The following PEX5L variants were observed in gnomAD, a reference collection of about 807,000 sequenced individuals.
PEX5L encodes the protein PEX5-related protein.
In PEX5L, 30 loss-of-function variants were observed where a neutral mutation model predicts 84.0. That is an observed-to-expected ratio of 0.36 (90% CI 0.27 to 0.48). PEX5L has a LOEUF of 0.48. Ranked by LOEUF, PEX5L falls within the 20% of genes least tolerant of loss-of-function variation. The pLI, the probability that PEX5L is intolerant of heterozygous loss-of-function variation, is 0.99. For synonymous variants in PEX5L, 270 were observed against 283.1 expected (o/e 0.95, Z 0.46); for missense variants, 533 against 754.6 (o/e 0.71, Z 3.44).
intron 1 of PEX5L, among the ~76,000 whole-genome samples, chr3:179,985,870 T>C (rs1326884611): frequency 1.3e-5 from 2 of 152,094 alleles, no homozygotes; most frequent in Non-Finnish European, 2.9e-5. Flanking sequence ...AGTCCACTCT[T>C]GTGGAGGCCG....
chr3:179,972,816 GT>G (rs142647530), intron 1 of PEX5L, among the ~76,000 whole-genome samples: 159 of 147,546 alleles, frequency 1.1e-3, no homozygotes, highest in South Asian at 9.3e-3. Context: ...ATTTTTGTGG[GT>G]TTTTTTTTTA....
chr3:179,830,372 C>T (rs529882958), intron 8 of PEX5L, among the ~76,000 whole-genome samples: 70 of 139,254 alleles, frequency 5.0e-4, no homozygotes, highest in African/African-American at 1.6e-3. Context: ...TCTTATCTTA[C>T]GAGGCTATTG....
At chr3:180,026,823 C>A (rs187531148) in intron 1 of PEX5L, among the ~76,000 whole-genome samples, 1 of 152,214 alleles carries the variant, frequency 6.6e-6, no homozygotes, top group Non-Finnish European at 1.5e-5. Flanking sequence ...TACATTCAAG[C>A]AATATCTGAA....
At chr3:179,963,416 A>G (rs1022990548) in intron 2 of PEX5L, among the ~76,000 whole-genome samples, 2 of 152,170 alleles carry the variant, frequency 1.3e-5, no homozygotes, top group Non-Finnish European at 2.9e-5. Flanking sequence ...CCCAAGGAAC[A>G]TAAGGCCAGC....
rs1431315600 is a variant in PEX5L at position 179,797,603 on chromosome 3, A to ATAT, written c.*4224_*4225insATA. 1.5e-3 allele frequency: 170 copies of ATAT among 109,864 alleles called. No homozygotes were observed. Among genetic ancestry groups the ATAT allele is most frequent in the Non-Finnish European group, 2.2e-3 (118 of 52,744 alleles). The allele number at this position is 109,864 out of a possible 1,614,324, so 6.8% of individuals were successfully genotyped here. A position where few individuals can be genotyped will look rare whatever the true frequency, so the allele number is the denominator to read the frequency against. ...TGAACACTCTTTAAAAAAAAAAAAA[A>ATAT]AAATATATATATATATATATATATA... On this transcript the variant is annotated 3_prime_UTR_variant, in exon 15 of 15. Transcript: ENST00000467460.
Position 179,811,809 on chromosome 3 carries a change from G to A in PEX5L, c.1146C>T (p.Ala382=). 6.2e-7 allele frequency: 1 copy of A among 1,613,328 alleles called. No individual in the cohort carries two copies. Among genetic ancestry groups the A allele is most frequent in the Non-Finnish European group, 8.5e-7 (1 of 1,179,330 alleles). The change falls in exon 11 of 15, where the codon GCC becomes GCT. Residue 382 remains alanine, a synonymous_variant. Transcript: ENST00000467460. The stretch of plus-strand genomic sequence containing the variant: ...CACTTAGCTTCCTTTACCTCTGGAG[G>A]GCGACAATAGCTGCTTGTTCATTTT... ...ENENEQAAIV[A]LQRCLELQPN...
rs200434344 is a variant in PEX5L at position 179,807,745 on chromosome 3, C to A, written c.1605G>T (p.Leu535=). ...ACCGGATGAATCCTGGCTGAATCTCCAGTGCTCGCGTATAGGCCTCCACGG... is the reference window on the plus strand; with the variant it reads ...ACCGGATGAATCCTGGCTGAATCTCAAGTGCTCGCGTATAGGCCTCCACGG... The part of the protein sequence containing the change: ...EEAVEAYTRA[L]EIQPGFIRSR... Residue 535 remains leucine (L), a synonymous_variant, in exon 14 of 15, where the codon CTG becomes CTT. Coordinates refer to ENST00000467460, the MANE Select transcript of PEX5L (RefSeq NM_016559.3). 1.2e-6 allele frequency: 2 copies of A among 1,614,052 alleles called. No homozygotes were observed. Among genetic ancestry groups the A allele is most frequent in the African/African-American group, 1.3e-5 (1 of 74,942 alleles).
intron 1 of PEX5L, among the ~76,000 whole-genome samples, chr3:179,997,826 C>T (rs1025621385): frequency 6.6e-6 from 1 of 152,216 alleles, no homozygotes; most frequent in African/African-American, 2.4e-5. Context: ...TTCTCCATTC[C>T]TGTCCATAAG....
At chr3:179,950,234 C>T (rs1387698778) in intron 2 of PEX5L, among the ~76,000 whole-genome samples, 3 of 152,082 alleles carry the variant, frequency 2.0e-5, no homozygotes, top group Non-Finnish European at 4.4e-5. Context: ...TTGGTGCAGC[C>T]TCTTAGAAAA....
intron 8 of PEX5L, among the ~76,000 whole-genome samples, chr3:179,840,397 C>T (rs921275576): frequency 1.3e-5 from 2 of 151,626 alleles, no homozygotes; most frequent in Non-Finnish European, 3.0e-5. Flanking sequence ...CCATGTTGGC[C>T]AGGCTGGTCT....
intron 8 of PEX5L, among the ~76,000 whole-genome samples, chr3:179,822,757 T>A (rs959876347): frequency 9.2e-5 from 14 of 152,244 alleles, no homozygotes; most frequent in Admixed American, 7.9e-4. Context: ...ACAAGCTATC[T>A]GCTTATATCA....
chr3:179,815,244 G>A (rs1365043295), intron 10 of PEX5L, among the ~76,000 whole-genome samples: 6 of 152,236 alleles, frequency 3.9e-5, no homozygotes, highest in African/African-American at 9.6e-5. Flanking sequence ...ACAAGAGCCA[G>A]ACATCACTAT....
At chr3:179,808,202 C>T (rs756520256) in intron 13 of PEX5L, 70 bp downstream of exon 13, 34 of 1,244,148 alleles carry the variant, frequency 2.7e-5, no homozygotes, top group Non-Finnish European at 3.5e-5. Flanking sequence ...GAAATGTAGA[C>T]GGTGTAGCCT....
At chr3:179,892,109 ATT>A (rs1296611953) in intron 3 of PEX5L, among the ~76,000 whole-genome samples, 4 of 152,168 alleles carry the variant, frequency 2.6e-5, no homozygotes, top group Non-Finnish European at 4.4e-5. Flanking sequence ...AGGTGAACTG[ATT>A]GCAATTTTGG....
In PEX5L at chr3:179,875,348, C is replaced by A. The variant is rs769574904; in HGVS notation, c.629+6G>T. On this transcript the variant is annotated splice_donor_region_variant and intron_variant, in intron 6 of 14. Transcript: ENST00000467460. ...ATGGCCGTTTTCTGGTATTAAAATA[C>A]CTTACCATAAGAGCTCTTTTGATCC... 1.2e-6 allele frequency: 2 copies of A among 1,613,706 alleles called. No homozygotes were observed. The highest frequency in any genetic ancestry group is 2.2e-5 in the East Asian group (1 of 44,860).
chr3:179,904,559 C>T (rs986818959), intron 2 of PEX5L, among the ~76,000 whole-genome samples: 2 of 152,056 alleles, frequency 1.3e-5, no homozygotes, highest in Non-Finnish European at 2.9e-5. Flanking sequence ...CTTTCATGGG[C>T]CCTAGGCACT....
At chr3:179,899,614 T>A (rs1399101948) in intron 2 of PEX5L, among the ~76,000 whole-genome samples, 1 of 152,206 alleles carries the variant, frequency 6.6e-6, no homozygotes, top group Non-Finnish European at 1.5e-5. Flanking sequence ...TTATCCATTT[T>A]CTCAGGCACT....
intron 8 of PEX5L, among the ~76,000 whole-genome samples, chr3:179,852,233 A>G (rs1486105507): frequency 6.6e-6 from 1 of 152,186 alleles, no homozygotes; most frequent in Non-Finnish European, 1.5e-5. Flanking sequence ...TGGAGAATCC[A>G]TTCGCAAGAT....
intron 7 of PEX5L, among the ~76,000 whole-genome samples, chr3:179,860,490 G>T (rs1262658228): frequency 6.6e-6 from 1 of 152,198 alleles, no homozygotes; most frequent in Non-Finnish European, 1.5e-5. Context: ...AAGAAACTCT[G>T]GGGGTGGGAC....
Sources: gnomAD v4.1 joint callset for allele counts (sites outside exome capture counted in the v4.1 genomes callset) on GRCh38, gnomAD v4.1.1 for gene constraint, MANE v1.5 for transcripts, NCBI Gene and HGNC (gene_info 2026-07-23, HGNC 2026-07-21) for gene names.